NR3C1: variants seen among roughly 807,000 people sequenced by gnomAD.
NR3C1 encodes glucocorticoid receptor.
Under a neutral mutation model 74.0 loss-of-function variants are expected in NR3C1, and 14 were observed. The ratio of observed to expected loss-of-function variants is 0.19; its 90% confidence interval spans 0.12 to 0.30. The LOEUF is 0.30. Ranked by LOEUF, NR3C1 falls within the 10% of genes least tolerant of loss-of-function variation. The pLI is 1.00. For synonymous variants in NR3C1, 308 were observed against 332.5 expected (o/e 0.93, Z 0.80); for missense variants, 695 against 909.8 (o/e 0.76, Z 3.04).
At chr5:143,406,554 T>A (rs1299376600), upstream of NR3C1, among the ~76,000 whole-genome samples, 25 of 152,342 alleles carry the variant, frequency 1.6e-4, no homozygotes, top group African/African-American at 5.8e-4. Flanking sequence ...TTAACCCCTC[T>A]TTTTCAGAGT....
chr5:143,289,142 G>C (rs1347102289), intron 7 of NR3C1, among the ~76,000 whole-genome samples: 1 of 148,356 alleles, frequency 6.7e-6, no homozygotes, highest in African/African-American at 2.5e-5. Flanking sequence ...GTTTGGAAAA[G>C]AACAACAGAT....
At chr5:143,291,525 G>T (rs1396874637) in intron 7 of NR3C1, among the ~76,000 whole-genome samples, 1 of 62,350 alleles carries the variant, frequency 1.6e-5, no homozygotes, top group African/African-American at 4.4e-5. Context: ...CGCCTGGCTG[G>T]GATATATCCT....
intron 2 of NR3C1, among the ~76,000 whole-genome samples, chr5:143,351,280 C>T (rs929050091): frequency 1.3e-5 from 2 of 152,148 alleles, no homozygotes; most frequent in Non-Finnish European, 2.9e-5. Flanking sequence ...TGGTTCTCTA[C>T]TGCCTTCAGA....
At chr5:143,368,465 A>C (rs1833653306) in intron 2 of NR3C1, among the ~76,000 whole-genome samples, 1 of 152,010 alleles carries the variant, frequency 6.6e-6, no homozygotes, top group South Asian at 2.1e-4. Flanking sequence ...ATTGTCCTCA[A>C]ATTATATATT....
chr5:143,373,855 T>G (rs1313503594), intron 2 of NR3C1, among the ~76,000 whole-genome samples: 2 of 152,054 alleles, frequency 1.3e-5, no homozygotes, highest in Non-Finnish European at 2.9e-5. Context: ...TTAAGTTGGG[T>G]GGTAGGTACA....
chr5:143,279,203 C>T lies in NR3C1; in HGVS notation c.*2686G>A, dbSNP rs1812749859. On this transcript the variant is annotated 3_prime_UTR_variant, in exon 9 of 9. Transcript: ENST00000394464. ...TAATTAAGATGACTTTCTTTTCCCC[C>T]ACGTATCCTAAAAGGGCACAGCTTC... The T allele has an allele frequency of 1.3e-6, 1 of 742,104 alleles. No individual in the cohort carries two copies. Among genetic ancestry groups the T allele is most frequent in the Non-Finnish European group, 2.1e-6 (1 of 474,974 alleles). The allele number at this position is 742,104 out of a possible 1,614,324, so 46.0% of individuals were successfully genotyped here.
intron 2 of NR3C1, among the ~76,000 whole-genome samples, chr5:143,395,069 A>G (rs1444301573): frequency 1.3e-5 from 2 of 152,006 alleles, no homozygotes; most frequent in Non-Finnish European, 2.9e-5. Flanking sequence ...TTGAACTGCA[A>G]TAAAATTCTA....
intron 2 of NR3C1, chr5:143,375,950 A>G (rs574871393): frequency 6.6e-6 from 1 of 152,342 alleles, no homozygotes; most frequent in South Asian, 2.1e-4. Context: ...ATTTTCATGA[A>G]CCACTTCTAT....
chr5:143,352,931 G>A (rs941137977), intron 2 of NR3C1, among the ~76,000 whole-genome samples: 3 of 152,132 alleles, frequency 2.0e-5, no homozygotes, highest in Non-Finnish European at 2.9e-5. Flanking sequence ...AGATTTCTTT[G>A]TAGCACGAGA....
At chr5:143,302,752 T>G (rs1241017147) in intron 4 of NR3C1, among the ~76,000 whole-genome samples, 1 of 152,094 alleles carries the variant, frequency 6.6e-6, no homozygotes, top group African/African-American at 2.4e-5. Context: ...ATAATACTAA[T>G]TAATTTTTCA....
intron 2 of NR3C1, among the ~76,000 whole-genome samples, chr5:143,325,788 G>A (rs1003553902): frequency 6.6e-6 from 1 of 152,120 alleles, no homozygotes; most frequent in Non-Finnish European, 1.5e-5. Flanking sequence ...CATGAATAAG[G>A]GGTGGGGGCT....
chr5:143,425,741 G>A (rs1231815102), intron 1 of NR3C1, among the ~76,000 whole-genome samples: 2 of 152,188 alleles, frequency 1.3e-5, no homozygotes, highest in African/African-American at 4.8e-5. Context: ...TGGTGAAGAT[G>A]TGGAGAAAGT....
At chr5:143,414,042 C>A (rs1841397460) in intron 1 of NR3C1, among the ~76,000 whole-genome samples, 2 of 152,002 alleles carry the variant, frequency 1.3e-5, no homozygotes, top group East Asian at 1.9e-4. Flanking sequence ...TGGAAAGAAC[C>A]CTGAAAATTA....
At chr5:143,333,026 C>A in intron 2 of NR3C1, 8 of 1,590,624 alleles carry the variant, frequency 5.0e-6, no homozygotes, top group Middle Eastern at 2.2e-4. Flanking sequence ...TTGAGGAGCA[C>A]CTGGGGAAGT....
In NR3C1 at chr5:143,278,241, A is replaced by G. The variant is rs1812624696; in HGVS notation, c.*3648T>C. ...ACACATTTTAAAATTACTGTGATAA[A>G]AAATAATGAAAAAGCTTCTTAATAA... On this transcript the variant is annotated 3_prime_UTR_variant, in exon 9 of 9. Transcript: ENST00000394464. 6.6e-6 allele frequency: 1 copy of G among 152,200 alleles called. No homozygotes were observed. Among genetic ancestry groups the G allele is most frequent in the Non-Finnish European group, 1.5e-5 (1 of 68,032 alleles). 9.4% of individuals were successfully genotyped at this position (152,200 alleles called of 1,614,324 possible).
intron 1 of NR3C1, among the ~76,000 whole-genome samples, chr5:143,416,354 C>T (rs969556208): frequency 6.6e-6 from 1 of 151,998 alleles, no homozygotes; most frequent in African/African-American, 2.4e-5. Flanking sequence ...TCTGGGACTA[C>T]TTGGAAACTT....
At chr5:143,320,666 A>C (rs1157935096) in intron 2 of NR3C1, among the ~76,000 whole-genome samples, 3 of 152,212 alleles carry the variant, frequency 2.0e-5, no homozygotes, top group Admixed American at 2.0e-4. Flanking sequence ...CTGTGTATTT[A>C]TTTGTAGAGA....
At chr5:143,321,054 G>A (rs1028024132) in intron 2 of NR3C1, among the ~76,000 whole-genome samples, 11 of 152,122 alleles carry the variant, frequency 7.2e-5, no homozygotes, top group African/African-American at 1.9e-4. Flanking sequence ...AATGAAGACC[G>A]GATTTTGTTC....
intron 2 of NR3C1, among the ~76,000 whole-genome samples, chr5:143,391,997 G>A (rs913402641): frequency 4.0e-5 from 6 of 150,174 alleles, no homozygotes; most frequent in African/African-American, 7.4e-5. Flanking sequence ...ACGGAGACTC[G>A]CTCTGTCGCC....
Sources: gnomAD v4.1 joint callset for allele counts (sites outside exome capture counted in the v4.1 genomes callset) on GRCh38, gnomAD v4.1.1 for gene constraint, MANE v1.5 for transcripts, NCBI Gene and HGNC (gene_info 2026-07-23, HGNC 2026-07-21) for gene names.